Variants in USP34 observed in about 807,000 individuals in gnomAD.
USP34 encodes ubiquitin specific peptidase 34, also known as ubiquitin carboxyl-terminal hydrolase 34.
A neutral mutation model predicts 460.3 loss-of-function variants in USP34; 70 were observed. That is an observed-to-expected ratio of 0.15 (90% CI 0.13 to 0.19). The LOEUF (loss-of-function observed/expected upper bound fraction) is 0.19, where lower values mean the gene tolerates loss of function less well. Ranked by LOEUF, USP34 falls within the 10% of genes least tolerant of loss-of-function variation. USP34 has a pLI of 1.00. For synonymous variants in USP34, 1,647 were observed against 1,405.3 expected (o/e 1.17, Z -3.85); for missense variants, 3,985 against 4,236.2 (o/e 0.94, Z 1.65).
chr2:61,370,982 G>C (rs1371152619), intron 8 of USP34, among the ~76,000 whole-genome samples: 6 of 152,084 alleles, frequency 3.9e-5, no homozygotes, highest in Non-Finnish European at 8.8e-5. Context: ...TTGTCAAAAG[G>C]ATGAACAACA....
At chr2:61,250,298 T>A in intron 48 of USP34, 1 of 184,932 alleles carries the variant, frequency 5.4e-6, no homozygotes, top group Middle Eastern at 4.7e-4. Context: ...AAGAAAAACC[T>A]CAGATTGGAC....
chr2:61,247,653 T>A (rs896108985), intron 49 of USP34, among the ~76,000 whole-genome samples: 2 of 152,174 alleles, frequency 1.3e-5, no homozygotes, highest in African/African-American at 4.8e-5. Flanking sequence ...CTCAGCCTCC[T>A]AATAGCTGTG....
At position 61,214,485 on chromosome 2, in the gene USP34, C is replaced by G. The variant is rs940586557; in HGVS notation, c.8257G>C (p.Val2753Leu). ...DAAVHGTTKL[V>L]PYFSFMTYCL... ...TAAGTCATAAAGCTAAAATAGGGCA[C>G]TAGCTTTGTAGTGCCATGAACAGCA... The change falls in exon 68 of 80, where the codon GTG becomes CTG. Residue 2753 changes from valine to leucine, a missense_variant. Transcript: ENST00000398571. 6.2e-7 allele frequency: 1 copy of G among 1,613,976 alleles called. No individual in the cohort carries two copies. The highest frequency in any genetic ancestry group is 8.5e-7 in the Non-Finnish European group (1 of 1,179,992).
chr2:61,359,270 C>T (rs1428981286), intron 10 of USP34, among the ~76,000 whole-genome samples: 2 of 152,068 alleles, frequency 1.3e-5, no homozygotes, highest in Non-Finnish European at 2.9e-5. Context: ...GAATGCAGAT[C>T]CCAAAAATAA....
intron 1 of USP34, among the ~76,000 whole-genome samples, chr2:61,444,495 GACT>G (rs1695053996): frequency 6.6e-6 from 1 of 152,062 alleles, no homozygotes; most frequent in Non-Finnish European, 1.5e-5. Flanking sequence ...CTGAGGCAGT[GACT>G]ACATTTGAAA....
chr2:61,378,422 A>G lies in USP34; in HGVS notation c.1017T>C (p.Asn339=). 1 of 1,583,446 alleles carries G rather than the reference A, an allele frequency of 6.3e-7. No individual in the cohort carries two copies. The highest frequency in any genetic ancestry group is 8.5e-7 in the Non-Finnish European group (1 of 1,170,438). Residue 339 remains asparagine (N), a splice_region_variant and synonymous_variant, in exon 8 of 80, where the codon AAT becomes AAC. Coordinates refer to ENST00000398571, the MANE Select transcript of USP34 (RefSeq NM_014709.4). ...MRLAGLSQIT[N]QLHTFNDVCN... ...ACACATCATTGAAGGTATGGAGTTG[A>G]TTCTATGATTAAAGACAAGAAATTA... is the stretch of plus-strand genomic sequence containing the variant.
chr2:61,293,400 G>C lies in USP34; in HGVS notation c.4548+64C>G. ...TATGGCAAAAGCTATACTTGCTGAT[G>C]AAATGGAAGTATTTCAAATGGGATA... is the stretch of plus-strand genomic sequence containing the variant. On this transcript the variant is annotated intron_variant, in intron 33 of 79. Coordinates refer to ENST00000398571, the MANE Select transcript of USP34 (RefSeq NM_014709.4). The C allele has an allele frequency of 6.4e-6, 8 of 1,259,066 alleles. No individual in the cohort carries two copies. The South Asian group carries it at 9.8e-5, about 15-fold the overall frequency. The allele number at this position is 1,259,066 out of a possible 1,614,324, so 78.0% of individuals were successfully genotyped here. A position where few individuals can be genotyped will look rare whatever the true frequency, so the allele number is the denominator to read the frequency against.
chr2:61,292,129 C>A (rs1298445385), intron 33 of USP34, among the ~76,000 whole-genome samples: 3 of 152,004 alleles, frequency 2.0e-5, no homozygotes, highest in African/African-American at 7.3e-5. Context: ...CATAGTCCCA[C>A]AACTTTGTGA....
At chr2:61,430,348 G>T (rs1402260548) in intron 1 of USP34, among the ~76,000 whole-genome samples, 2 of 152,206 alleles carry the variant, frequency 1.3e-5, no homozygotes, top group African/African-American at 2.4e-5. Context: ...AGGTTGCAAT[G>T]AGCCAGGATC....
chr2:61,376,448 T>C (rs1692802357), intron 8 of USP34, among the ~76,000 whole-genome samples: 1 of 152,226 alleles, frequency 6.6e-6, no homozygotes, highest in Admixed American at 6.5e-5. Context: ...CCCCATTCAC[T>C]GTTTTCACAC....
At chr2:61,351,761 C>T (rs1183438514) in intron 10 of USP34, among the ~76,000 whole-genome samples, 1 of 151,978 alleles carries the variant, frequency 6.6e-6, no homozygotes, top group Non-Finnish European at 1.5e-5. Flanking sequence ...TGCAGGAATT[C>T]TTCTATCTTG....
At chr2:61,193,523 G>C (rs1023205965) in intron 75 of USP34, among the ~76,000 whole-genome samples, 1 of 152,048 alleles carries the variant, frequency 6.6e-6, no homozygotes, top group Non-Finnish European at 1.5e-5. Flanking sequence ...TGAGTGGACC[G>C]CATCTGGCAC....
At chr2:61,277,477 T>A (rs963188305) in intron 41 of USP34, among the ~76,000 whole-genome samples, 10 of 152,068 alleles carry the variant, frequency 6.6e-5, no homozygotes, top group African/African-American at 2.4e-4. Context: ...TTTCAAGCAA[T>A]CCACCTACCT....
intron 1 of USP34, among the ~76,000 whole-genome samples, chr2:61,461,912 T>C (rs577501652): frequency 5.3e-5 from 8 of 152,278 alleles, no homozygotes; most frequent in Admixed American, 2.0e-4. Context: ...GAAACAGATA[T>C]ATTAAATTTT....
At chr2:61,363,095 A>C (rs2103817273) in intron 10 of USP34, among the ~76,000 whole-genome samples, 1 of 152,348 alleles carries the variant, frequency 6.6e-6, no homozygotes, top group South Asian at 2.1e-4. Flanking sequence ...GCCAATGAGC[A>C]CAGGAAAGCA....
At chr2:61,369,304 A>G (rs1692536075) in intron 10 of USP34, among the ~76,000 whole-genome samples, 1 of 152,222 alleles carries the variant, frequency 6.6e-6, no homozygotes, top group Non-Finnish European at 1.5e-5. Flanking sequence ...CACAAGGATG[A>G]AATGAATGTG....
intron 20 of USP34, among the ~76,000 whole-genome samples, chr2:61,328,259 G>C (rs917814539): frequency 7.0e-6 from 1 of 143,188 alleles, no homozygotes; most frequent in Non-Finnish European, 1.5e-5. Context: ...CTGAGATCAC[G>C]ACATTGCACT....
intron 48 of USP34, among the ~76,000 whole-genome samples, chr2:61,253,287 A>G (rs1307159745): frequency 6.6e-6 from 1 of 152,240 alleles, no homozygotes; most frequent in Non-Finnish European, 1.5e-5. Flanking sequence ...CGACAGATTT[A>G]TTCAATACAT....
At chr2:61,208,796 C>A in intron 70 of USP34, 103 bp downstream of exon 70, 1 of 731,380 alleles carries the variant, frequency 1.4e-6, no homozygotes, top group Non-Finnish European at 2.0e-6. Flanking sequence ...ACCTTGCCAC[C>A]TGTAAAACAG....
Sources: gnomAD v4.1 joint callset for allele counts (sites outside exome capture counted in the v4.1 genomes callset) on GRCh38, gnomAD v4.1.1 for gene constraint, MANE v1.5 for transcripts, NCBI Gene and HGNC (gene_info 2026-07-23, HGNC 2026-07-21) for gene names.